The following PARD3 variants were observed in gnomAD, a reference collection of about 807,000 sequenced individuals.
PARD3 encodes the protein partitioning defective 3 homolog.
Under a neutral mutation model 155.4 loss-of-function variants are expected in PARD3, and 75 were observed. That is an observed-to-expected ratio of 0.48 (90% CI 0.40 to 0.58). The LOEUF is 0.58. Among genes scored for constraint, PARD3 ranks in the 20% least tolerant of loss-of-function variants. The pLI is 0.00. For missense variants in PARD3, 1,642 were observed against 1,721.7 expected, an observed-to-expected ratio of 0.95 and a Z score of 0.82; for synonymous variants, 576 against 610.5, an observed-to-expected ratio of 0.94 and a Z score of 0.83.
intron 23 of PARD3, among the ~76,000 whole-genome samples, chr10:34,126,095 C>T (rs1401485046): frequency 2.0e-5 from 3 of 152,230 alleles, no homozygotes; most frequent in Non-Finnish European, 2.9e-5. Flanking sequence ...ATTTATGTTG[C>T]ACCTGGCACT....
At chr10:34,732,213 CA>C (rs2094831363) in intron 1 of PARD3, among the ~76,000 whole-genome samples, 1 of 152,032 alleles carries the variant, frequency 6.6e-6, no homozygotes, top group Non-Finnish European at 1.5e-5. Flanking sequence ...CATTAAACTA[CA>C]AAACAGTCAC....
chr10:34,573,679 C>G (rs1042565327), intron 2 of PARD3, among the ~76,000 whole-genome samples: 1 of 151,766 alleles, frequency 6.6e-6, no homozygotes, highest in Non-Finnish European at 1.5e-5. Flanking sequence ...TGCACTCCAG[C>G]CTGGGTGAGA....
At chr10:34,116,904 AG>A (rs145862121) in intron 24 of PARD3, among the ~76,000 whole-genome samples, 3,155 of 152,316 alleles carry the variant, frequency 0.021, 124 homozygotes, top group African/African-American at 0.071. Context: ...GCGCTTCCGC[AG>A]GGAGAGGCGG....
chr10:34,149,170 C>T (rs1948664082), intron 22 of PARD3, among the ~76,000 whole-genome samples: 1 of 151,906 alleles, frequency 6.6e-6, no homozygotes, highest in African/African-American at 2.4e-5. Context: ...TAATTGATGA[C>T]CATTTGAGTA....
rs148348654 is a variant in PARD3 at position 34,423,110 on chromosome 10, AAC to A, written c.715-21195_715-21194del. On this transcript the variant is annotated intron_variant, in intron 5 of 24. Transcript: ENST00000374788. ...TAATACACAGATACATACATACACA[AAC>A]ACACACACACAACAAAATACTACTC... 4.6e-5 allele frequency among the ~76,000 whole-genome samples: 7 copies of A among 152,008 alleles called. No individual in the cohort carries two copies. In the East Asian group the frequency reaches 1.2e-3, roughly 25 times the overall value.
chr10:34,700,476 A>G (rs964630174), intron 1 of PARD3, among the ~76,000 whole-genome samples: 1 of 152,202 alleles, frequency 6.6e-6, no homozygotes, highest in African/African-American at 2.4e-5. Flanking sequence ...AATTTCAAGA[A>G]AAGTATCTGC....
chr10:34,711,826 A>G (rs1382329711), intron 1 of PARD3, among the ~76,000 whole-genome samples: 1 of 152,198 alleles, frequency 6.6e-6, no homozygotes, highest in Admixed American at 6.5e-5. Flanking sequence ...AGGCCATGTC[A>G]GGATCAACGC....
chr10:34,459,891 T>A (rs1302130616), intron 4 of PARD3, among the ~76,000 whole-genome samples: 1 of 152,210 alleles, frequency 6.6e-6, no homozygotes, highest in Admixed American at 6.5e-5. Context: ...CGTAGAAGAA[T>A]TGGGTAATTT....
intron 21 of PARD3, among the ~76,000 whole-genome samples, chr10:34,282,053 A>G (rs1956183308): frequency 6.7e-6 from 1 of 149,814 alleles, no homozygotes; most frequent in Non-Finnish European, 1.5e-5. Flanking sequence ...AATACCACAG[A>G]CAGAACAGAA....
At chr10:34,295,250 C>T (rs1045366786) in intron 20 of PARD3, among the ~76,000 whole-genome samples, 6 of 152,154 alleles carry the variant, frequency 3.9e-5, no homozygotes, top group African/African-American at 7.2e-5. Context: ...GGTCAGAACA[C>T]GGAGATGTGT....
At chr10:34,360,046 T>A (rs756762182) in intron 13 of PARD3, 25 bp downstream of exon 13, 4 of 1,581,006 alleles carry the variant, frequency 2.5e-6, no homozygotes, top group Non-Finnish European at 3.5e-6. Flanking sequence ...TTAATAGGCA[T>A]ACGCATGATA....
At chr10:34,543,094 T>A (rs911131530) in intron 2 of PARD3, among the ~76,000 whole-genome samples, 3 of 135,052 alleles carry the variant, frequency 2.2e-5, no homozygotes, top group African/African-American at 7.7e-5. Context: ...TGACTTTTTT[T>A]AAAGGCTTTT....
At chr10:34,582,875 T>G (rs1261719307) in intron 2 of PARD3, among the ~76,000 whole-genome samples, 1 of 152,198 alleles carries the variant, frequency 6.6e-6, no homozygotes, top group Non-Finnish European at 1.5e-5. Context: ...GTGCCCTTCT[T>G]CTTTCTTCCT....
At position 34,815,149 on chromosome 10, in the gene PARD3, C is replaced by G. The variant is rs1844747288; in HGVS notation, c.-154G>C. The G allele has an allele frequency of 4.9e-6, 1 of 205,454 alleles. No homozygotes were observed. Among genetic ancestry groups the G allele is most frequent in the Admixed American group, 6.5e-5 (1 of 15,444 alleles). The allele number at this position is 205,454 out of a possible 1,614,324, so 12.7% of individuals were successfully genotyped here. ...GCAGGCGGCGGCGACGCCGGGGGGC[C>G]GCTCAGCTCGCATGCCCGGCCCGGC... On this transcript the variant is annotated 5_prime_UTR_variant, in exon 1 of 25. Transcript: ENST00000374788.
chr10:34,758,019 C>CCCA (rs1836971275), intron 1 of PARD3, among the ~76,000 whole-genome samples: 1 of 152,206 alleles, frequency 6.6e-6, no homozygotes, highest in African/African-American at 2.4e-5. Flanking sequence ...GACTTTGATA[C>CCCA]TCCTAAAAAT....
intron 24 of PARD3, among the ~76,000 whole-genome samples, chr10:34,117,821 G>T (rs908019975): frequency 6.6e-6 from 1 of 152,224 alleles, no homozygotes; most frequent in Admixed American, 6.5e-5. Flanking sequence ...TAAGGCATGA[G>T]AATTGCTTGA....
intron 22 of PARD3, among the ~76,000 whole-genome samples, chr10:34,254,653 T>C (rs1216775915): frequency 6.6e-6 from 1 of 151,824 alleles, no homozygotes; most frequent in Non-Finnish European, 1.5e-5. Context: ...AAGCCCATCC[T>C]TCCTCAACCT....
At chr10:34,694,829 AG>A (rs2094135592) in intron 2 of PARD3, among the ~76,000 whole-genome samples, 1 of 152,216 alleles carries the variant, frequency 6.6e-6, no homozygotes, top group African/African-American at 2.4e-5. Context: ...TGAAATTTCA[AG>A]AAAACATTTA....
chr10:34,227,213 A>G (rs1952644185), intron 22 of PARD3, among the ~76,000 whole-genome samples: 2 of 152,252 alleles, frequency 1.3e-5, no homozygotes. Context: ...ACATGAACAG[A>G]CACTTCCCAA....
Sources: allele counts gnomAD v4.1 joint callset (sites outside exome capture counted in the v4.1 genomes callset), GRCh38; gene constraint gnomAD v4.1.1; transcripts MANE v1.5; gene names NCBI Gene and HGNC (gene_info 2026-07-23, HGNC 2026-07-21).